Variants in RUNX1T1 observed in about 807,000 individuals in gnomAD.
RUNX1T1 encodes the protein RUNX1 partner transcriptional co-repressor 1.
A neutral mutation model predicts 62.8 loss-of-function variants in RUNX1T1; 4 were observed. The observed-to-expected ratio is 0.06, with a 90% CI of 0.03 to 0.15. The LOEUF is 0.15. RUNX1T1 is among the 10% of genes least tolerant of loss of function. RUNX1T1 has a pLI of 1.00. For missense variants in RUNX1T1, 508 were observed against 754.3 expected (o/e 0.67, Z 3.82); for synonymous variants, 291 against 286.0 (o/e 1.02, Z -0.18).
At chr8:92,037,973 C>A (rs556290717) in intron 1 of RUNX1T1, among the ~76,000 whole-genome samples, 1 of 152,258 alleles carries the variant, frequency 6.6e-6, no homozygotes, top group Non-Finnish European at 1.5e-5. Flanking sequence ...CAATCCTCTC[C>A]TGACCATCCT....
chr8:92,076,742 T>G, intron 1 of RUNX1T1, among the ~76,000 whole-genome samples: 1 of 152,122 alleles, frequency 6.6e-6, no homozygotes, highest in East Asian at 1.9e-4. Context: ...TCAACAAACT[T>G]CTACACCTTT....
intron 2 of RUNX1T1, among the ~76,000 whole-genome samples, chr8:92,070,672 C>T (rs1378069393): frequency 6.6e-6 from 1 of 152,196 alleles, no homozygotes. Context: ...CCTGCAAAGC[C>T]CAATCTCTAT....
At chr8:91,982,255 A>G (rs898258695) in intron 8 of RUNX1T1, among the ~76,000 whole-genome samples, 2 of 150,964 alleles carry the variant, frequency 1.3e-5, no homozygotes, top group Non-Finnish European at 2.9e-5. Context: ...AAAAAAAAAA[A>G]ATTAACCCTA....
At chr8:91,960,781 T>A (rs1810269301) in intron 10 of RUNX1T1, among the ~76,000 whole-genome samples, 2 of 152,338 alleles carry the variant, frequency 1.3e-5, no homozygotes, top group South Asian at 4.1e-4. Context: ...TACTATAACA[T>A]CCTTTCTTTT....
At chr8:91,958,605 TTTA>T (rs1250316742), downstream of RUNX1T1, 2 of 182,778 alleles carry the variant, frequency 1.1e-5, no homozygotes, top group Admixed American at 6.3e-5. Context: ...ATCTTGTTAT[TTTA>T]TTTTTTTAAA....
At chr8:92,100,563 C>T (rs1391288399), upstream of RUNX1T1, among the ~76,000 whole-genome samples, 1 of 152,104 alleles carries the variant, frequency 6.6e-6, no homozygotes, top group East Asian at 1.9e-4. Context: ...AAATGCTGAA[C>T]ACAGCACAAG....
intron 2 of RUNX1T1, among the ~76,000 whole-genome samples, chr8:92,073,598 TTC>T (rs1334586681): frequency 6.6e-6 from 1 of 152,232 alleles, no homozygotes; most frequent in Non-Finnish European, 1.5e-5. Context: ...AGTATGTGAT[TTC>T]TGTTTTCCCA....
chr8:92,062,447 T>C, intron 1 of RUNX1T1: 2 of 1,321,966 alleles, frequency 1.5e-6, no homozygotes, highest in South Asian at 2.3e-5. Context: ...CCACATCAGA[T>C]ACAACACGCT....
intron 8 of RUNX1T1, among the ~76,000 whole-genome samples, chr8:91,984,831 C>T (rs1049228982): frequency 3.3e-4 from 50 of 152,210 alleles, no homozygotes; most frequent in South Asian, 2.1e-4. Context: ...ATTCTGTTTT[C>T]GTTGCTTGCC....
intron 8 of RUNX1T1, among the ~76,000 whole-genome samples, chr8:91,978,505 A>G (rs992511582): frequency 1.3e-5 from 2 of 152,200 alleles, no homozygotes; most frequent in African/African-American, 2.4e-5. Flanking sequence ...AATGTTAAAA[A>G]TCCAAATACC....
At chr8:91,967,105 T>C (rs1811791122) in intron 10 of RUNX1T1, among the ~76,000 whole-genome samples, 1 of 152,170 alleles carries the variant, frequency 6.6e-6, no homozygotes, top group Admixed American at 6.5e-5. Flanking sequence ...AAAGTAACAC[T>C]ACCTACTTTG....
At chr8:92,103,148 C>T (rs371392507), upstream of RUNX1T1, 5 of 379,434 alleles carry the variant, frequency 1.3e-5, no homozygotes, top group South Asian at 4.2e-4. Flanking sequence ...CCAAGACTTG[C>T]GGAGCTCTGC....
At chr8:92,005,238 G>A (rs765241751) in exon 5 of RUNX1T1, 4 of 1,614,034 alleles carry the variant, frequency 2.5e-6, no homozygotes, top group Non-Finnish European at 2.5e-6. Context: ...ACTGGGCAGG[G>A]TTCTGTTTGG....
chr8:91,970,608 T>TAATG, intron 10 of RUNX1T1, 50 bp downstream of exon 11: 1 of 1,482,050 alleles, frequency 6.7e-7, no homozygotes, highest in Non-Finnish European at 9.1e-7. Flanking sequence ...ATGAGCACTC[T>TAATG]AATGAATGAA....
intron 1 of RUNX1T1, among the ~76,000 whole-genome samples, chr8:92,034,884 G>C (rs954264792): frequency 6.7e-6 from 1 of 150,146 alleles, no homozygotes; most frequent in Non-Finnish European, 1.5e-5. Context: ...CATGTATTTT[G>C]CAGCAACCCG....
chr8:91,996,847 C>G (rs377041122), intron 5 of RUNX1T1, among the ~76,000 whole-genome samples: 1 of 151,500 alleles, frequency 6.6e-6, no homozygotes, highest in African/African-American at 2.4e-5. Flanking sequence ...TGAGGCTGGA[C>G]GCAGTGGCTC....
At chr8:92,095,201 T>A in intron 1 of RUNX1T1, 2 of 1,534,916 alleles carry the variant, frequency 1.3e-6, no homozygotes, top group Middle Eastern at 1.8e-4. Context: ...ACATGTTACA[T>A]CTTCACTTCT....
At chr8:92,024,302 A>C (rs1159092564) in intron 1 of RUNX1T1, among the ~76,000 whole-genome samples, 1 of 152,004 alleles carries the variant, frequency 6.6e-6, no homozygotes, top group Non-Finnish European at 1.5e-5. Flanking sequence ...TGAGTACTGG[A>C]GTTCAAGACC....
rs996073184 is a variant in RUNX1T1, at chr8:91,979,918, G to A, written c.1199-3945C>T. 1.5e-5 allele frequency: 8 copies of A among 525,944 alleles called. No individual in the cohort carries two copies. In the Middle Eastern group the frequency reaches 8.5e-4, roughly 56 times the overall value. 32.6% of individuals were successfully genotyped at this position (525,944 alleles called of 1,614,324 possible). ...ATGCTCAAAGCTGGGCAGCACCTAG[G>A]TATGGCCTTCATCCTGTAGTGGGCA... On this transcript the variant is annotated intron_variant, in intron 8 of 10. Transcript: ENST00000396218.
Sources: gnomAD v4.1 joint callset for allele counts (sites outside exome capture counted in the v4.1 genomes callset) on GRCh38, gnomAD v4.1.1 for gene constraint, MANE v1.5 for transcripts, NCBI Gene and HGNC (gene_info 2026-07-23, HGNC 2026-07-21) for gene names.